The following UROC1 variants were observed in gnomAD, a reference collection of about 807,000 sequenced individuals.
The protein encoded by UROC1 is urocanate hydratase 1.
In UROC1, 79 loss-of-function variants were observed where a neutral mutation model predicts 89.5. The ratio of observed to expected loss-of-function variants is 0.88; its 90% CI spans 0.74 to 1.06. The LOEUF (loss-of-function observed/expected upper bound fraction) is 1.06, where lower values mean the gene tolerates loss of function less well. UROC1 is among the 50% of genes least tolerant of loss of function. The pLI is 0.00. For missense variants in UROC1, 885 were observed against 907.8 expected (o/e 0.97, Z 0.32); for synonymous variants, 361 against 354.8 (o/e 1.02, Z -0.20).
rs1479629445 is a variant in UROC1 at position 126,481,595 on chromosome 3, G to C, written c.*750C>G. On this transcript the variant is annotated 3_prime_UTR_variant, in exon 20 of 20. Transcript: ENST00000290868. ...AAGAGAATGAGATTCATGAGCCCTG[G>C]CCCTGACAGAGGCCACTTCCCCCAT... The C allele has an allele frequency of 1.3e-5, 2 of 152,168 alleles. No homozygotes were observed. The highest frequency in any genetic ancestry group is 2.9e-5 in the Non-Finnish European group (2 of 68,052). 9.4% of individuals were successfully genotyped at this position (152,168 alleles called of 1,614,324 possible). A position where few individuals can be genotyped will look rare whatever the true frequency, so the allele number is the denominator to read the frequency against.
rs1168595 is a variant in UROC1, at chr3:126,499,324, G to A, written c.1316+13C>T. ...ACTGGGCACACTAGATGTGGCAGCC[G>A]CCCATCACTCACCCCATGATGTGCT... On this transcript the variant is annotated intron_variant, in intron 13 of 19. Coordinates refer to ENST00000290868, the MANE Select transcript of UROC1 (RefSeq NM_144639.3). 0.3 allele frequency: 475,069 copies of A among 1,606,520 alleles called. 71,997 individuals are homozygous for A. Among genetic ancestry groups the A allele is most frequent in the Admixed American group, 0.34 (20,145 of 59,128 alleles).
At chr3:126,483,294 G>A in intron 19 of UROC1, 75 bp downstream of exon 19, 3 of 1,347,236 alleles carry the variant, frequency 2.2e-6, no homozygotes, top group Non-Finnish European at 2.1e-6. Flanking sequence ...GATGCTGTAT[G>A]ACAGCAAACG....
intron 1 of UROC1, among the ~76,000 whole-genome samples, chr3:126,512,443 G>A (rs751928670): frequency 6.6e-6 from 1 of 152,246 alleles, no homozygotes; most frequent in Non-Finnish European, 1.5e-5. Context: ...AAAAATATAA[G>A]GCTAGGCGTG....
chr3:126,500,030 C>T (rs746361311), intron 12 of UROC1, 27 bp downstream of exon 12: 3 of 1,604,088 alleles, frequency 1.9e-6, no homozygotes, highest in Middle Eastern at 1.7e-4. Context: ...TGGCCCCTCC[C>T]TCCTCCTCCC....
At chr3:126,501,870 G>A (rs1935930934) in intron 9 of UROC1, 2 of 1,599,490 alleles carry the variant, frequency 1.3e-6, no homozygotes, top group Non-Finnish European at 1.7e-6. Flanking sequence ...GGTTGACAAA[G>A]CAGGAAAGGA....
rs186238705 is a variant in UROC1, at chr3:126,493,119, A to G, written c.1510-603T>C. Among the ~76,000 whole-genome samples the G allele has an allele frequency of 2.1e-3, 315 of 152,210 alleles. 2 individuals are homozygous for G. Among genetic ancestry groups the G allele is most frequent in the Middle Eastern group, 0.01 (3 of 294 alleles). ...CCCAGTGATCGCATCTCCTGACAGT[A>G]ATGGGTGGTTGTCCCCGGGAGACAG... On this transcript the variant is annotated intron_variant, in intron 15 of 19. Transcript: ENST00000290868.
At chr3:126,489,129 G>C in intron 17 of UROC1, 147 bp downstream of exon 17, 1 of 756,734 alleles carries the variant, frequency 1.3e-6, no homozygotes, top group Non-Finnish European at 2.3e-6. Context: ...CCACATCCCA[G>C]ACCCCCTCAG....
intron 14 of UROC1, among the ~76,000 whole-genome samples, chr3:126,497,759 T>C (rs867020708): frequency 1.3e-5 from 2 of 151,948 alleles, no homozygotes; most frequent in Admixed American, 6.5e-5. Flanking sequence ...CAGCCAGAGG[T>C]CCTCACTGGC....
Position 126,483,303 on chromosome 3 carries a change from C to T in UROC1, c.1890+66G>A, listed in dbSNP as rs1283857023. The T allele has an allele frequency of 3.4e-6, 5 of 1,457,322 alleles. No homozygotes were observed. In the African/African-American group the frequency reaches 5.5e-5, roughly 16 times the overall value. The allele number at this position is 1,457,322 out of a possible 1,614,324, so 90.3% of individuals were successfully genotyped here. On this transcript the variant is annotated intron_variant, in intron 19 of 19. Transcript: ENST00000290868. The stretch of plus-strand genomic sequence containing the variant: ...CCAGGAGATGCTGTATGACAGCAAA[C>T]GTGGATGGGGATCACCCAGCTGAAG...
chr3:126,499,928 A>G lies in UROC1; in HGVS notation c.1243+129T>C. The G allele has an allele frequency of 3.3e-6, 3 of 895,650 alleles. No individual in the cohort carries two copies. The South Asian group carries it at 4.3e-5, about 13-fold the overall frequency. 55.5% of individuals were successfully genotyped at this position (895,650 alleles called of 1,614,324 possible). ...CAGAAGGCCTGGCAGAGGCACAGTGAAGCCTCGGTCAGGATTTGCTGGGCC... is the reference window on the plus strand; with the variant it reads ...CAGAAGGCCTGGCAGAGGCACAGTGGAGCCTCGGTCAGGATTTGCTGGGCC... On this transcript the variant is annotated intron_variant, in intron 12 of 19. Transcript: ENST00000290868.
In UROC1 at chr3:126,483,369, ACCATTGGAGACATC is replaced by A; in HGVS notation, c.1876_1889del (p.Asp626CysfsTer14). The A allele has an allele frequency of 6.2e-7, 1 of 1,612,674 alleles. No homozygotes were observed. Among genetic ancestry groups the A allele is most frequent in the Non-Finnish European group, 8.5e-7 (1 of 1,179,884 alleles). ...GGTGGCAAGGACTGGGCTGACTTAC[ACCATTGGAGACATC>A]CCAGCTGAGCATCAGCCTGGCTCTC... is the stretch of plus-strand genomic sequence containing the variant. On this transcript the variant is annotated frameshift_variant and splice_region_variant, in exon 19 of 20. Coordinates refer to ENST00000290868, the MANE Select transcript of UROC1 (RefSeq NM_144639.3). LOFTEE classifies it high-confidence loss of function.
At position 126,504,575 on chromosome 3, in the gene UROC1, A is replaced by C. The variant is rs929826591; in HGVS notation, c.814-492T>G. 2.6e-5 allele frequency among the ~76,000 whole-genome samples: 4 copies of C among 152,206 alleles called. No individual in the cohort carries two copies. In the East Asian group the frequency reaches 7.7e-4, roughly 29 times the overall value. The stretch of plus-strand genomic sequence containing the variant: ...CCCAAAGGAATCAAGAGATATTAAC[A>C]TCATTGAGCTGCCAAACCAATGCCA... On this transcript the variant is annotated intron_variant, in intron 8 of 19. Transcript: ENST00000290868.
At position 126,481,967 on chromosome 3, in the gene UROC1, A is replaced by G. The variant is rs932466400; in HGVS notation, c.*378T>C. The stretch of plus-strand genomic sequence containing the variant: ...TGCACAGACAGCAGATGGGCAGCAG[A>G]CAGACAGAGTTGCATGGAGGCTGGC... On this transcript the variant is annotated 3_prime_UTR_variant, in exon 20 of 20. Transcript: ENST00000290868. 2.3e-5 allele frequency: 7 copies of G among 308,220 alleles called. No individual in the cohort carries two copies. The East Asian group carries it at 5.8e-4, about 25-fold the overall frequency. 19.1% of individuals were successfully genotyped at this position (308,220 alleles called of 1,614,324 possible).
Position 126,505,630 on chromosome 3 carries a change from G to C in UROC1, c.813+71C>G, listed in dbSNP as rs550210141. On this transcript the variant is annotated intron_variant, in intron 8 of 19. Transcript: ENST00000290868. Reference sequence around the variant, plus strand: ...GGGGTCTGTGGTGTAAGTGATCCGGGAGGAAGAAGGGAGGGAGGGAGGGAG... The same window carrying C: ...GGGGTCTGTGGTGTAAGTGATCCGGCAGGAAGAAGGGAGGGAGGGAGGGAG... 2.0e-6 allele frequency: 3 copies of C among 1,518,240 alleles called. No homozygotes were observed. In the African/African-American group the frequency reaches 4.3e-5, roughly 22 times the overall value. The allele number at this position is 1,518,240 out of a possible 1,614,324, so 94.0% of individuals were successfully genotyped here.
chr3:126,488,259 C>T lies in UROC1; in HGVS notation c.1729G>A (p.Val577Met), dbSNP rs773916999. ...GTGGCTCCGCGACAGGCATCTCCCA[C>T]GAAGTTCTGCACAGCCATGTCTGCG... is the stretch of plus-strand genomic sequence containing the variant. The part of the protein sequence containing the change: ...FCADMAVQNF[V>M]GDACRGATWV... Residue 577 changes from valine to methionine, a missense_variant, in exon 18 of 20, where the codon GTG (valine) becomes ATG (methionine). By Grantham distance (21) the Val-to-Met change is conservative (BLOSUM62 1). Coordinates refer to ENST00000290868, the MANE Select transcript of UROC1 (RefSeq NM_144639.3). 12 of 1,614,110 alleles carry T rather than the reference C, an allele frequency of 7.4e-6. No individual in the cohort carries two copies. The highest frequency in any genetic ancestry group is 2.7e-5 in the African/African-American group (2 of 74,940).
chr3:126,482,377 C>T lies in UROC1; in HGVS notation c.1999G>A (p.Glu667Lys), dbSNP rs202033813. ...VVTLPHKVED[E>K]RVLQQALQL is the part of the protein sequence containing the mutation. ...TGCAGGGCCTGCTGGAGCACCCGCT[C>T]GTCCTCCACCTTGTGAGGCAGTGTC... is the stretch of plus-strand genomic sequence containing the variant. The change falls in exon 20 of 20, where the codon GAG (glutamate) becomes AAG (lysine). Residue 667 changes from glutamate (E) to lysine (K), a missense_variant. Glu to Lys is a moderately conservative substitution (Grantham distance 56, BLOSUM62 1). Coordinates refer to ENST00000290868, the MANE Select transcript of UROC1 (RefSeq NM_144639.3). 33 of 1,613,702 alleles carry T rather than the reference C, an allele frequency of 2.0e-5. No homozygotes were observed. Among genetic ancestry groups the T allele is most frequent in the South Asian group, 4.4e-5 (4 of 91,050 alleles).
At chr3:126,515,066 A>C (rs1936270404) in intron 1 of UROC1, among the ~76,000 whole-genome samples, 1 of 152,060 alleles carries the variant, frequency 6.6e-6, no homozygotes, top group Non-Finnish European at 1.5e-5. Context: ...CTGACATTCA[A>C]GCAAAGGACA....
intron 14 of UROC1, among the ~76,000 whole-genome samples, chr3:126,497,299 G>A (rs564286098): frequency 6.6e-6 from 1 of 152,172 alleles, no homozygotes; most frequent in Non-Finnish European, 1.5e-5. Flanking sequence ...GAGAGACCGG[G>A]GTAAGAACTG....
chr3:126,517,463 GGA>G, intron 1 of UROC1, 129 bp downstream of exon 1: 3 of 1,404,708 alleles, frequency 2.1e-6, no homozygotes, highest in South Asian at 2.4e-5. Flanking sequence ...CGCACAGGCT[GGA>G]GCCCCTGGAG....
Sources: gnomAD v4.1 joint callset for allele counts (sites outside exome capture counted in the v4.1 genomes callset) on GRCh38, gnomAD v4.1.1 for gene constraint, MANE v1.5 for transcripts, NCBI Gene and HGNC (gene_info 2026-07-23, HGNC 2026-07-21) for gene names.